The following BBX variants were observed in gnomAD, a reference collection of about 807,000 sequenced individuals.
BBX encodes the protein HMG box transcription factor BBX.
A neutral mutation model predicts 100.2 loss-of-function variants in BBX; 30 were observed. The ratio of observed to expected loss-of-function variants is 0.30; its 90% CI spans 0.22 to 0.41. The LOEUF (loss-of-function observed/expected upper bound fraction) is 0.41, where lower values mean the gene tolerates loss of function less well. Ranked by LOEUF, BBX falls within the 10% of genes least tolerant of loss-of-function variation. The pLI is 1.00. For synonymous variants in BBX, 376 were observed against 388.1 expected (o/e 0.97, Z 0.37); for missense variants, 1,023 against 1,129.8 (o/e 0.91, Z 1.35).
intron 8 of BBX, among the ~76,000 whole-genome samples, chr3:107,745,550 C>T (rs1399476223): frequency 6.6e-6 from 1 of 152,056 alleles, no homozygotes; most frequent in Admixed American, 6.6e-5. Flanking sequence ...TAACCTGAAA[C>T]TCCTGGGCTC....
chr3:107,758,180 G>A (rs993939826), intron 10 of BBX, among the ~76,000 whole-genome samples: 5 of 152,164 alleles, frequency 3.3e-5, no homozygotes, highest in African/African-American at 1.2e-4. Flanking sequence ...AGCTCCAAGA[G>A]AAGCACTGTT....
intron 10 of BBX, among the ~76,000 whole-genome samples, chr3:107,762,274 C>T (rs1445862283): frequency 6.6e-6 from 1 of 152,120 alleles, no homozygotes; most frequent in African/African-American, 2.4e-5. Context: ...GAAACAGTAC[C>T]ATTTCTGAGG....
chr3:107,568,730 G>A (rs966786073), intron 2 of BBX, among the ~76,000 whole-genome samples: 2 of 151,964 alleles, frequency 1.3e-5, no homozygotes, highest in African/African-American at 4.8e-5. Flanking sequence ...CTTGGCCCAG[G>A]TTCCACTCAT....
chr3:107,802,283 C>T (rs2070581507), intron 17 of BBX, among the ~76,000 whole-genome samples: 1 of 152,222 alleles, frequency 6.6e-6, no homozygotes, highest in South Asian at 2.1e-4. Flanking sequence ...CTGACGTGAG[C>T]TTGGTTTGCT....
chr3:107,603,995 C>T (rs1399156909), intron 2 of BBX, among the ~76,000 whole-genome samples: 1 of 152,130 alleles, frequency 6.6e-6, no homozygotes, highest in Non-Finnish European at 1.5e-5. Flanking sequence ...TGGTCTGGAA[C>T]TGAACCCATA....
intron 10 of BBX, among the ~76,000 whole-genome samples, chr3:107,768,341 T>TA (rs1455363439): frequency 6.6e-6 from 1 of 152,204 alleles, no homozygotes; most frequent in African/African-American, 2.4e-5. Context: ...TGACAGATGT[T>TA]ACAATGTTTT....
intron 10 of BBX, among the ~76,000 whole-genome samples, chr3:107,761,270 G>A (rs1235216399): frequency 2.0e-5 from 3 of 152,196 alleles, no homozygotes; most frequent in Admixed American, 6.5e-5. Context: ...TGAAGGTAAA[G>A]TGTATCTGTG....
At chr3:107,594,908 G>T (rs1006315990) in intron 2 of BBX, among the ~76,000 whole-genome samples, 9 of 152,120 alleles carry the variant, frequency 5.9e-5, no homozygotes, top group African/African-American at 2.2e-4. Context: ...GGCAATTGAG[G>T]CTTAGTAAAG....
At chr3:107,800,045 C>T (rs1470086792) in intron 16 of BBX, among the ~76,000 whole-genome samples, 2 of 152,090 alleles carry the variant, frequency 1.3e-5, no homozygotes, top group Non-Finnish European at 2.9e-5. Context: ...GAATTTTGTG[C>T]ACTTCTTTTG....
intron 3 of BBX, chr3:107,659,717 A>G (rs1357738188): frequency 1.6e-6 from 2 of 1,283,080 alleles, no homozygotes; most frequent in Non-Finnish European, 2.0e-6. Flanking sequence ...TTATCCTCAC[A>G]TGTTTGGGTA....
intron 2 of BBX, among the ~76,000 whole-genome samples, chr3:107,575,723 G>A (rs2051722137): frequency 6.6e-6 from 1 of 151,738 alleles, no homozygotes; most frequent in Non-Finnish European, 1.5e-5. Context: ...TCATTTCCTC[G>A]GGTAATTATG....
chr3:107,628,863 GTA>G (rs2056373102), intron 2 of BBX, among the ~76,000 whole-genome samples: 1 of 152,132 alleles, frequency 6.6e-6, no homozygotes, highest in Non-Finnish European at 1.5e-5. Flanking sequence ...GAAACTCCAT[GTA>G]TTAGTACCCG....
chr3:107,734,745 G>T (rs2063533399), intron 7 of BBX, among the ~76,000 whole-genome samples: 1 of 152,106 alleles, frequency 6.6e-6, no homozygotes, highest in Admixed American at 6.6e-5. Flanking sequence ...TCAAAGAAAA[G>T]CATGGTTTCT....
At chr3:107,549,493 C>T (rs1042388534) in intron 2 of BBX, among the ~76,000 whole-genome samples, 4 of 152,098 alleles carry the variant, frequency 2.6e-5, no homozygotes, top group African/African-American at 9.7e-5. Context: ...GCAAAGATAG[C>T]GAACAGTGTG....
chr3:107,581,978 A>G (rs2052310213), intron 2 of BBX, among the ~76,000 whole-genome samples: 1 of 152,092 alleles, frequency 6.6e-6, no homozygotes, highest in Non-Finnish European at 1.5e-5. Flanking sequence ...TTAGTATATA[A>G]TGTGTATATA....
At position 107,563,086 on chromosome 3, in the gene BBX, C is replaced by T. The variant is rs2050629521; in HGVS notation, c.-84+36688C>T. ...TGGTTCAGAAGTTGTGTTAGGCTCA[C>T]AGCTTTGCCTCCCATGTGGGAGGAG... is the stretch of plus-strand genomic sequence containing the variant. On this transcript the variant is annotated intron_variant, in intron 2 of 17. Transcript: ENST00000325805. Among the ~76,000 whole-genome samples the T allele has an allele frequency of 3.9e-5, 6 of 152,332 alleles. No individual in the cohort carries two copies. The South Asian group carries it at 1.2e-3, about 32-fold the overall frequency.
intron 3 of BBX, among the ~76,000 whole-genome samples, chr3:107,706,831 A>AT (rs549290605): frequency 3.9e-5 from 6 of 152,316 alleles, no homozygotes; most frequent in African/African-American, 1.4e-4. Context: ...AAGATGAGTG[A>AT]TAACATTGTC....
intron 3 of BBX, among the ~76,000 whole-genome samples, chr3:107,690,750 T>G (rs2060107332): frequency 6.6e-6 from 1 of 151,978 alleles, no homozygotes; most frequent in Non-Finnish European, 1.5e-5. Flanking sequence ...AGGAAGATAC[T>G]CTAGGGTACT....
chr3:107,686,438 T>G (rs182587043), intron 3 of BBX, among the ~76,000 whole-genome samples: 4 of 152,138 alleles, frequency 2.6e-5, no homozygotes, highest in Admixed American at 2.0e-4. Context: ...TTTGTTTTTT[T>G]TTTTCTTCTG....
Sources: allele counts gnomAD v4.1 joint callset (sites outside exome capture counted in the v4.1 genomes callset), GRCh38; gene constraint gnomAD v4.1.1; transcripts MANE v1.5; gene names NCBI Gene and HGNC (gene_info 2026-07-23, HGNC 2026-07-21).